The following PFKFB1 variants were observed in gnomAD, a reference collection of about 807,000 sequenced individuals.
The protein encoded by PFKFB1 is 6-phosphofructo-2-kinase/fructose-2,6-bisphosphatase 1.
A neutral mutation model predicts 46.4 loss-of-function variants in PFKFB1; 34 were observed. That is an observed-to-expected ratio of 0.73 (90% CI 0.56 to 0.98). The LOEUF (loss-of-function observed/expected upper bound fraction) is 0.98. Ranked by LOEUF, PFKFB1 falls within the 50% of genes least tolerant of loss-of-function variation. PFKFB1 has a pLI of 0.00. For synonymous variants in PFKFB1, 119 were observed against 133.8 expected (o/e 0.89, Z 0.76); for missense variants, 393 against 376.3 (o/e 1.04, Z -0.37).
intron 8 of PFKFB1, 56 bp from the exon 9 acceptor site, chrX:54,949,277 G>C: frequency 4.9e-6 from 5 of 1,018,413 alleles, no homozygotes; most frequent in South Asian, 2.4e-5. Context: ...GTGAGAGAGA[G>C]CAGGGTGGCC....
At position 54,933,446 on chromosome X, in the gene PFKFB1, C is replaced by T. The variant is rs934661751; in HGVS notation, c.1373G>A (p.Arg458Gln). Reference protein sequence around the residue: ...REKPENVDITREPEEALDTVP... With the variant: ...REKPENVDITQEPEEALDTVP... The stretch of plus-strand genomic sequence containing the variant: ...AGTATCCAGGGCTTCCTCAGGTTCC[C>T]GGGTGATGTCCACATTCTGAGGAGA... The change falls in exon 14 of 14, where the codon CGG becomes CAG. Residue 458 changes from arginine to glutamine, a missense_variant. By Grantham distance (43) the Arg-to-Gln change is conservative. Coordinates refer to ENST00000375006, the MANE Select transcript of PFKFB1 (RefSeq NM_002625.4). 13 of 1,206,330 alleles carry T rather than the reference C, an allele frequency of 1.1e-5. No individual in the cohort carries two copies. Among genetic ancestry groups the T allele is most frequent in the African/African-American group, 1.8e-5 (1 of 57,010 alleles).
chrX:54,946,874 A>G (rs1433831378), intron 9 of PFKFB1, among the ~76,000 whole-genome samples: 1 of 112,444 alleles, frequency 8.9e-6, no homozygotes, highest in East Asian at 2.8e-4. Context: ...CTCAATCATT[A>G]GAATGAAGTA....
chrX:54,941,550 AAAAC>A (rs1354674155), intron 10 of PFKFB1, among the ~76,000 whole-genome samples: 4 of 112,282 alleles, frequency 3.6e-5, no homozygotes, highest in South Asian at 3.7e-4. Flanking sequence ...TTACAAGAAA[AAAAC>A]AAACAACCCC....
chrX:54,961,381 G>A (rs757029410), intron 2 of PFKFB1, among the ~76,000 whole-genome samples: 54 of 111,142 alleles, frequency 4.9e-4, no homozygotes, highest in African/African-American at 1.7e-3. Context: ...TGGACCTCCT[G>A]ACTTCTAGTC....
chrX:54,945,837 G>A (rs1933798617), intron 9 of PFKFB1, among the ~76,000 whole-genome samples: 1 of 110,013 alleles, frequency 9.1e-6, no homozygotes, highest in Admixed American at 9.7e-5. Flanking sequence ...GTACAGATAG[G>A]TCTGTAGGTG....
chrX:54,952,225 TG>T (rs1934007451), intron 7 of PFKFB1, 113 bp from the exon 8 acceptor site: 1 of 543,992 alleles, frequency 1.8e-6, no homozygotes, highest in South Asian at 2.8e-5. Flanking sequence ...ACAACCCAGC[TG>T]TCACCTAATG....
intron 1 of PFKFB1, among the ~76,000 whole-genome samples, chrX:54,964,088 C>A (rs1934400166): frequency 9.3e-6 from 1 of 107,859 alleles, no homozygotes; most frequent in Admixed American, 1.0e-4. Flanking sequence ...GAAAGGGCAA[C>A]AGAAACTGAG....
At chrX:54,998,448 C>T, upstream of PFKFB1, 1 of 1,149,737 alleles carries the variant, frequency 8.7e-7, no homozygotes, top group Non-Finnish European at 1.2e-6. Context: ...AATTATCCAA[C>T]ACTCGGTTCT....
intron 12 of PFKFB1, 123 bp downstream of exon 12, chrX:54,934,824 A>G (rs1156514196): frequency 2.0e-6 from 1 of 504,807 alleles, no homozygotes; most frequent in Non-Finnish European, 3.6e-6. Context: ...CCACTAAGGG[A>G]ACCTCCTGCA....
At chrX:54,954,894 C>A (rs1196498801) in intron 7 of PFKFB1, among the ~76,000 whole-genome samples, 1 of 112,376 alleles carries the variant, frequency 8.9e-6, no homozygotes, top group Non-Finnish European at 1.9e-5. Flanking sequence ...CAAACTAATT[C>A]ATCAAACAGC....
chrX:54,969,891 C>A (rs1209851204), intron 1 of PFKFB1, among the ~76,000 whole-genome samples: 1 of 111,617 alleles, frequency 9.0e-6, no homozygotes, highest in African/African-American at 3.3e-5. Context: ...TAGAAAATCC[C>A]AGGAAATCTA....
chrX:54,942,519 G>A (rs1050543388), intron 10 of PFKFB1, among the ~76,000 whole-genome samples: 13 of 111,580 alleles, frequency 1.2e-4, no homozygotes, highest in Middle Eastern at 9.3e-3. Context: ...ATCCCAAGTC[G>A]TTAGCTCCCA....
At chrX:54,995,492 C>T (rs965295676), upstream of PFKFB1, among the ~76,000 whole-genome samples, 4 of 112,450 alleles carry the variant, frequency 3.6e-5, no homozygotes, top group African/African-American at 1.3e-4. Context: ...GCCCACCTAT[C>T]TAAATGAATC....
intron 7 of PFKFB1, among the ~76,000 whole-genome samples, chrX:54,953,410 G>A (rs1263835981): frequency 8.9e-6 from 1 of 111,899 alleles, no homozygotes; most frequent in Non-Finnish European, 1.9e-5. Flanking sequence ...TGTATTTGTT[G>A]AACACTTTCT....
chrX:54,942,753 A>G (rs1933681839), intron 10 of PFKFB1, among the ~76,000 whole-genome samples: 1 of 112,331 alleles, frequency 8.9e-6, no homozygotes, highest in Admixed American at 9.5e-5. Flanking sequence ...AAGAAATAAA[A>G]GGTGGAATAA....
intron 9 of PFKFB1, among the ~76,000 whole-genome samples, chrX:54,947,484 A>G (rs1287277290): frequency 8.9e-6 from 1 of 112,267 alleles, no homozygotes; most frequent in East Asian, 2.8e-4. Flanking sequence ...AAGAAATTTC[A>G]TATTTGCTTG....
At chrX:54,966,515 G>A (rs1934478544) in intron 1 of PFKFB1, among the ~76,000 whole-genome samples, 2 of 111,776 alleles carry the variant, frequency 1.8e-5, no homozygotes, top group South Asian at 7.4e-4. Context: ...GGAGAGTGGG[G>A]GAAATCCATT....
At chrX:54,972,496 A>G (rs760134034) in intron 1 of PFKFB1, among the ~76,000 whole-genome samples, 1 of 110,998 alleles carries the variant, frequency 9.0e-6, no homozygotes, top group East Asian at 2.8e-4. Context: ...AGCTCTTATT[A>G]TTTGAGATAC....
chrX:54,969,975 C>G (rs944507116), intron 1 of PFKFB1, among the ~76,000 whole-genome samples: 1 of 111,898 alleles, frequency 8.9e-6, no homozygotes, highest in African/African-American at 3.2e-5. Context: ...GTGCCATGAT[C>G]ACGGCTCACT....
Sources: allele counts gnomAD v4.1 joint callset (sites outside exome capture counted in the v4.1 genomes callset), GRCh38; gene constraint gnomAD v4.1.1; transcripts MANE v1.5; gene names NCBI Gene and HGNC (gene_info 2026-07-23, HGNC 2026-07-21).